Variants in FAM227B observed in about 807,000 individuals in gnomAD.
FAM227B encodes protein FAM227B.
A neutral mutation model predicts 73.8 loss-of-function variants in FAM227B; 88 were observed. That is an observed-to-expected ratio of 1.19 (90% CI 1.00 to 1.42). The LOEUF (loss-of-function observed/expected upper bound fraction) is 1.42. Ranked by LOEUF, FAM227B falls within the 40% of genes most tolerant of loss-of-function variation. FAM227B has a pLI of 0.00. For synonymous variants in FAM227B, 210 were observed against 190.5 expected (o/e 1.10, Z -0.84); for missense variants, 632 against 590.9 (o/e 1.07, Z -0.72).
chr15:49,333,940 GT>G (rs146269598), intron 14 of FAM227B, among the ~76,000 whole-genome samples: 3,385 of 152,224 alleles, frequency 0.022, 102 homozygotes, highest in South Asian at 0.077. Flanking sequence ...AGCTAAATCT[GT>G]TGTTTTTCTA....
chr15:49,601,530 A>C (rs903764808), intron 3 of FAM227B, among the ~76,000 whole-genome samples: 7 of 152,160 alleles, frequency 4.6e-5, no homozygotes, highest in Non-Finnish European at 1.0e-4. Flanking sequence ...GTAGGTATAT[A>C]TATTTATGGG....
chr15:49,367,893 T>C (rs1264817954), intron 12 of FAM227B: 1 of 169,040 alleles, frequency 5.9e-6, no homozygotes, highest in African/African-American at 2.6e-5. Context: ...ATGAAGAAAA[T>C]GAACAAAGCC....
intron 10 of FAM227B, among the ~76,000 whole-genome samples, chr15:49,509,517 A>G (rs2058824939): frequency 6.6e-6 from 1 of 152,092 alleles, no homozygotes; most frequent in Non-Finnish European, 1.5e-5. Flanking sequence ...CCATCAAGGC[A>G]GACGTGAAAT....
chr15:49,398,246 A>G (rs2047852272), intron 11 of FAM227B, among the ~76,000 whole-genome samples: 1 of 152,064 alleles, frequency 6.6e-6, no homozygotes, highest in Non-Finnish European at 1.5e-5. Flanking sequence ...CAAGAGAGAC[A>G]AAGAAGGCCA....
chr15:49,569,834 C>T (rs1299622768), intron 8 of FAM227B, among the ~76,000 whole-genome samples: 1 of 151,916 alleles, frequency 6.6e-6, no homozygotes, highest in Admixed American at 6.6e-5. Context: ...TCTGTGAGTT[C>T]AACTTTTTTA....
chr15:49,331,766 G>A lies in FAM227B; in HGVS notation c.1419+14C>T. ...GAGAGAGAATTCTCAATTATTTTCA[G>A]AAAGAAAACCTACCAGTTTATGTAG... On this transcript the variant is annotated intron_variant, in intron 15 of 15. Coordinates refer to ENST00000299338, the MANE Select transcript of FAM227B (RefSeq NM_152647.3). The A allele has an allele frequency of 1.3e-6, 2 of 1,520,350 alleles. No individual in the cohort carries two copies. Among genetic ancestry groups the A allele is most frequent in the African/African-American group, 2.7e-5 (2 of 73,114 alleles). The allele number at this position is 1,520,350 out of a possible 1,614,324, so 94.2% of individuals were successfully genotyped here. A position where few individuals can be genotyped will look rare whatever the true frequency, so the allele number is the denominator to read the frequency against.
intron 10 of FAM227B, among the ~76,000 whole-genome samples, chr15:49,530,721 T>C (rs570521355): frequency 1.3e-5 from 2 of 151,872 alleles, no homozygotes; most frequent in South Asian, 4.1e-4. Flanking sequence ...GAGTAACAAA[T>C]GTATCTAAAC....
intron 11 of FAM227B, among the ~76,000 whole-genome samples, chr15:49,385,390 T>C (rs2046815717): frequency 6.6e-6 from 1 of 151,896 alleles, no homozygotes; most frequent in African/African-American, 2.4e-5. Context: ...GAGATTATAA[T>C]AATTACCTTA....
chr15:49,604,977 G>C (rs911503612), intron 3 of FAM227B, among the ~76,000 whole-genome samples: 11 of 151,748 alleles, frequency 7.2e-5, no homozygotes, highest in Admixed American at 7.2e-4. Flanking sequence ...GTGTTCTCTT[G>C]TTTACTAAGC....
intron 9 of FAM227B, among the ~76,000 whole-genome samples, chr15:49,542,218 A>C (rs915306382): frequency 1.4e-4 from 22 of 152,138 alleles, no homozygotes; most frequent in African/African-American, 5.3e-4. Flanking sequence ...TGAACAGATT[A>C]TTTCTTTTTA....
At chr15:49,427,601 T>C (rs910939464) in intron 11 of FAM227B, among the ~76,000 whole-genome samples, 2 of 152,030 alleles carry the variant, frequency 1.3e-5, no homozygotes, top group Non-Finnish European at 2.9e-5. Context: ...ATTATTCTTC[T>C]GGTTACCAAA....
chr15:49,521,253 G>A (rs936744626), intron 10 of FAM227B, among the ~76,000 whole-genome samples: 5 of 152,206 alleles, frequency 3.3e-5, no homozygotes, highest in Admixed American at 6.5e-5. Flanking sequence ...CCAGCCAGAC[G>A]CTAGGGAGCT....
At chr15:49,483,374 A>T (rs2152022620) in intron 11 of FAM227B, 3 of 599,896 alleles carry the variant, frequency 5.0e-6, no homozygotes, top group South Asian at 4.2e-5. Context: ...TAATGATTTT[A>T]TTAAAACACT....
At chr15:49,345,291 G>A (rs956349819) in intron 13 of FAM227B, among the ~76,000 whole-genome samples, 5 of 152,000 alleles carry the variant, frequency 3.3e-5, no homozygotes, top group African/African-American at 1.2e-4. Flanking sequence ...GTAGACATAC[G>A]TTCCTCATAA....
chr15:49,520,588 G>A lies in FAM227B; in HGVS notation c.875-12240C>T, dbSNP rs376079109. On this transcript the variant is annotated intron_variant, in intron 10 of 15. Transcript: ENST00000299338. Reference sequence around the variant, plus strand: ...CCAGGGAGACCTCACAATCATGGTGGAAAGCAAAGGAGAGCAAAGGCACAT... The same window carrying A: ...CCAGGGAGACCTCACAATCATGGTGAAAAGCAAAGGAGAGCAAAGGCACAT... Among the ~76,000 whole-genome samples, 301 of 152,298 alleles carry A rather than the reference G, an allele frequency of 2.0e-3. 1 individual carries two copies. Among genetic ancestry groups the A allele is most frequent in the African/African-American group, 6.9e-3 (288 of 41,558 alleles).
intron 9 of FAM227B, among the ~76,000 whole-genome samples, chr15:49,558,774 T>C (rs2073980717): frequency 6.6e-6 from 1 of 152,072 alleles, no homozygotes; most frequent in African/African-American, 2.4e-5. Context: ...CTGCAAGCCA[T>C]CGAGGAGCCT....
Position 49,568,356 on chromosome 15 carries a change from A to T in FAM227B, c.646-10T>A. On this transcript the variant is annotated splice_polypyrimidine_tract_variant and intron_variant, in intron 8 of 15. Transcript: ENST00000299338. The stretch of plus-strand genomic sequence containing the variant: ...GGTTTTCTCTGTCAGGCTTAAAAAA[A>T]TGTGTGAAATTAAAGTCAATATTAC... The T allele has an allele frequency of 6.6e-7, 1 of 1,510,922 alleles. No individual in the cohort carries two copies. Among genetic ancestry groups the T allele is most frequent in the East Asian group, 2.3e-5 (1 of 42,988 alleles). The allele number at this position is 1,510,922 out of a possible 1,614,324, so 93.6% of individuals were successfully genotyped here.
At chr15:49,427,821 C>G (rs1006667562) in intron 11 of FAM227B, among the ~76,000 whole-genome samples, 1 of 151,680 alleles carries the variant, frequency 6.6e-6, no homozygotes, top group Non-Finnish European at 1.5e-5. Flanking sequence ...GTTTTGGGCT[C>G]GGGTAGATGG....
At chr15:49,495,703 T>C (rs535266974) in intron 11 of FAM227B, among the ~76,000 whole-genome samples, 3 of 152,202 alleles carry the variant, frequency 2.0e-5, no homozygotes, top group Admixed American at 6.5e-5. Context: ...TTGCTAATAG[T>C]GAAGAGGTAG....
Sources: allele counts gnomAD v4.1 joint callset (sites outside exome capture counted in the v4.1 genomes callset), GRCh38; gene constraint gnomAD v4.1.1; transcripts MANE v1.5; gene names NCBI Gene and HGNC (gene_info 2026-07-23, HGNC 2026-07-21).